The following CMTM4 variants were observed in gnomAD, a reference collection of about 807,000 sequenced individuals.
CMTM4 encodes CKLF-like MARVEL transmembrane domain-containing protein 4.
In CMTM4, 8 loss-of-function variants were observed where a neutral mutation model predicts 19.0. That is an observed-to-expected ratio of 0.42 (90% CI 0.25 to 0.76). CMTM4 has a LOEUF of 0.76. Among genes scored for constraint, CMTM4 ranks in the 30% least tolerant of loss-of-function variants. The pLI is 0.27. For synonymous variants in CMTM4, 106 were observed against 121.1 expected, an observed-to-expected ratio of 0.88 and a Z score of 0.82; for missense variants, 228 against 290.2, an observed-to-expected ratio of 0.79 and a Z score of 1.56.
intron 2 of CMTM4, among the ~76,000 whole-genome samples, chr16:66,626,158 G>A (rs1223290870): frequency 6.6e-6 from 1 of 152,238 alleles, no homozygotes; most frequent in Non-Finnish European, 1.5e-5. Flanking sequence ...AGGGAGGCCA[G>A]GCACAGCAGC....
rs1053925542 is a variant in CMTM4 at position 66,631,954 on chromosome 16, A to G, written c.363+4451T>C. On this transcript the variant is annotated intron_variant, in intron 2 of 3. Coordinates refer to ENST00000394106, the MANE Select transcript of CMTM4 (RefSeq NM_181521.3). ...AAAAAATAAAATAAAATAAAATAAAATAAAAAAACACAAGACGAGTCACGC... is the reference window on the plus strand; with the variant it reads ...AAAAAATAAAATAAAATAAAATAAAGTAAAAAAACACAAGACGAGTCACGC... Among the ~76,000 whole-genome samples, 92 of 152,284 alleles carry G rather than the reference A, an allele frequency of 6.0e-4. 1 individual carries two copies. Among genetic ancestry groups the G allele is most frequent in the Non-Finnish European group, 4.7e-4 (32 of 68,018 alleles).
At chr16:66,610,009 C>T (rs367909843), downstream of CMTM4, 21 of 1,614,008 alleles carry the variant, frequency 1.3e-5, no homozygotes, top group East Asian at 4.5e-5. The surrounding 1 kb of genome is among the most constrained non-coding windows in gnomAD (Gnocchi z 4.6). Flanking sequence ...AGAAGGTAAG[C>T]GGCTGCCCTG....
In CMTM4 at chr16:66,615,948, C is replaced by T. The variant is rs1222137493; in HGVS notation, c.*6110G>A. The T allele has an allele frequency of 6.6e-6, 1 of 152,190 alleles. No individual in the cohort carries two copies. Among genetic ancestry groups the T allele is most frequent in the Non-Finnish European group, 1.5e-5 (1 of 68,034 alleles). 9.4% of individuals were successfully genotyped at this position (152,190 alleles called of 1,614,324 possible). On this transcript the variant is annotated 3_prime_UTR_variant, in exon 4 of 4. Transcript: ENST00000394106. This position sits in a 1 kb window ranked among gnomAD's most constrained non-coding sequence, Gnocchi z 4.9. ...ATTATTTCACAGAAATATACTCTTA[C>T]TCTCAGACTATTTAAATAAGCAGGA...
At chr16:66,686,025 C>T (rs1206893395) in intron 1 of CMTM4, among the ~76,000 whole-genome samples, 1 of 151,468 alleles carries the variant, frequency 6.6e-6, no homozygotes, top group African/African-American at 2.4e-5. Flanking sequence ...GAGGCCAAGG[C>T]GGGTGGATCA....
chr16:66,662,817 G>A (rs1443721237), intron 1 of CMTM4, among the ~76,000 whole-genome samples: 1 of 151,952 alleles, frequency 6.6e-6, no homozygotes. Flanking sequence ...GCAGAAAGAG[G>A]AAGCAAACCC....
Position 66,696,556 on chromosome 16 carries a change from G to T in CMTM4, c.-31C>A, listed in dbSNP as rs1252963707. 4 of 1,157,398 alleles carry T rather than the reference G, an allele frequency of 3.5e-6. 1 individual carries two copies. The African/African-American group carries it at 4.9e-5, about 14-fold the overall frequency. The allele number at this position is 1,157,398 out of a possible 1,614,324, so 71.7% of individuals were successfully genotyped here. ...CGCCCGGCCCGGGCCGCCTCGCGCGGCTGGCTCCCGGCGCCAGGAGCGGGC... is the reference window on the plus strand; with the variant it reads ...CGCCCGGCCCGGGCCGCCTCGCGCGTCTGGCTCCCGGCGCCAGGAGCGGGC... On this transcript the variant is annotated 5_prime_UTR_variant, in exon 1 of 4. Coordinates refer to ENST00000394106, the MANE Select transcript of CMTM4 (RefSeq NM_181521.3). This position sits in a 1 kb window ranked among gnomAD's most constrained non-coding sequence, Gnocchi z 4.3.
At chr16:66,629,303 G>A (rs2015804104) in intron 2 of CMTM4, among the ~76,000 whole-genome samples, 1 of 152,142 alleles carries the variant, frequency 6.6e-6, no homozygotes, top group Admixed American at 6.6e-5. Flanking sequence ...CCCATCCTTT[G>A]CACTCACTTG....
Position 66,617,215 on chromosome 16 carries a change from T to C in CMTM4, c.*4843A>G, listed in dbSNP as rs1402492010. 18 of 1,528,716 alleles carry C rather than the reference T, an allele frequency of 1.2e-5. No homozygotes were observed. Among genetic ancestry groups the C allele is most frequent in the South Asian group, 4.7e-5 (4 of 84,236 alleles). 94.7% of individuals were successfully genotyped at this position (1,528,716 alleles called of 1,614,324 possible). On this transcript the variant is annotated 3_prime_UTR_variant, in exon 4 of 4. Transcript: ENST00000394106. Reference sequence around the variant, plus strand: ...AAGCCTCAGCATAAAAAAACAAACATAGACAACAAACTTACCCTATGAAAT... The same window carrying C: ...AAGCCTCAGCATAAAAAAACAAACACAGACAACAAACTTACCCTATGAAAT...
At chr16:66,629,053 C>A (rs2015799655) in intron 2 of CMTM4, among the ~76,000 whole-genome samples, 1 of 152,054 alleles carries the variant, frequency 6.6e-6, no homozygotes, top group African/African-American at 2.4e-5. Context: ...ACTTATTACT[C>A]ACACAACTTG....
intron 1 of CMTM4, among the ~76,000 whole-genome samples, chr16:66,657,848 A>T (rs1243118642): frequency 2.0e-5 from 3 of 152,232 alleles, no homozygotes; most frequent in African/African-American, 7.2e-5. Context: ...TACAAACTGT[A>T]TTTCAGGAAA....
rs559290242 is a variant in CMTM4, at chr16:66,618,371, T to C, written c.*3687A>G. On this transcript the variant is annotated 3_prime_UTR_variant, in exon 4 of 4. Transcript: ENST00000394106. Reference sequence around the variant, plus strand: ...TTTGTTTTGAACACAGATGAGACAATAGGAACCCTTAAATCATCACTGCCT... The same window carrying C: ...TTTGTTTTGAACACAGATGAGACAACAGGAACCCTTAAATCATCACTGCCT... The C allele has an allele frequency of 5.1e-6, 5 of 985,416 alleles. No individual in the cohort carries two copies. The highest frequency in any genetic ancestry group is 1.1e-4 in the East Asian group (1 of 8,812). 61.0% of individuals were successfully genotyped at this position (985,416 alleles called of 1,614,324 possible).
In CMTM4 at chr16:66,622,186, T is replaced by C. The variant is rs1225814017; in HGVS notation, c.499A>G (p.Asn167Asp). Reference sequence around the variant, plus strand: ...CATTTCTGCACTGCCAGGAATGTGTTCACTGCATATGCCGCAGTCGCCAAG... The same window carrying C: ...CATTTCTGCACTGCCAGGAATGTGTCCACTGCATATGCCGCAGTCGCCAAG... ...GFLATAAYAV[N>D]TFLAVQKWRV... The change falls in exon 4 of 4, where the codon AAC becomes GAC. Residue 167 changes from asparagine to aspartate, a missense_variant. Asn to Asp is a conservative substitution (Grantham distance 23). Around this residue, in one of 3 missense-constraint regions of CMTM4, gnomAD observed 200 missense variants for 226.6 expected, o/e 0.88. Coordinates refer to ENST00000394106, the MANE Select transcript of CMTM4 (RefSeq NM_181521.3). This position sits in a 1 kb window ranked among gnomAD's most constrained non-coding sequence, Gnocchi z 4.0. 1 of 1,614,026 alleles carries C rather than the reference T, an allele frequency of 6.2e-7. No individual in the cohort carries two copies. The highest frequency in any genetic ancestry group is 1.7e-5 in the Admixed American group (1 of 60,002).
chr16:66,620,735 TAA>T lies in CMTM4; in HGVS notation c.*1321_*1322del. On this transcript the variant is annotated 3_prime_UTR_variant, in exon 4 of 4. Coordinates refer to ENST00000394106, the MANE Select transcript of CMTM4 (RefSeq NM_181521.3). ...AGGGCTAAACACAAAATGTTAGAGC[TAA>T]AGTGAGGTTTGTAAACATTAAAAAC... The T allele has an allele frequency of 2.0e-6, 2 of 985,834 alleles. No individual in the cohort carries two copies. The highest frequency in any genetic ancestry group is 2.4e-6 in the Non-Finnish European group (2 of 829,932). The allele number at this position is 985,834 out of a possible 1,614,324, so 61.1% of individuals were successfully genotyped here.
chr16:66,611,443 C>T (rs974715132), downstream of CMTM4, among the ~76,000 whole-genome samples: 3 of 151,940 alleles, frequency 2.0e-5, no homozygotes, highest in African/African-American at 7.3e-5. Context: ...AGTGAGACTC[C>T]ATCTCGGGGG....
At chr16:66,673,729 G>GT (rs2016754887) in intron 1 of CMTM4, among the ~76,000 whole-genome samples, 1 of 152,230 alleles carries the variant, frequency 6.6e-6, no homozygotes, top group African/African-American at 2.4e-5. Context: ...TTAAAACACA[G>GT]TATTTTCCTC....
At chr16:66,630,947 G>C (rs1463865377) in intron 2 of CMTM4, among the ~76,000 whole-genome samples, 1 of 150,954 alleles carries the variant, frequency 6.6e-6, no homozygotes, top group South Asian at 2.1e-4. Flanking sequence ...CTGCCTGGCC[G>C]CGACCCCATC....
chr16:66,601,754 G>A, the CMTM4 span, among the ~76,000 whole-genome samples: 8 of 152,228 alleles, frequency 5.3e-5, no homozygotes, highest in Admixed American at 5.2e-4. Context: ...CCAGGCAGCA[G>A]GAGAAGGCAC....
At chr16:66,604,995 G>A in the CMTM4 span, 12 of 1,415,660 alleles carry the variant, frequency 8.5e-6, no homozygotes, top group South Asian at 1.2e-4. Context: ...AGGACTGCGC[G>A]GCTCCTTTCG....
At chr16:66,599,318 A>C in the CMTM4 span, among the ~76,000 whole-genome samples, 1 of 152,140 alleles carries the variant, frequency 6.6e-6, no homozygotes, top group African/African-American at 2.4e-5. Flanking sequence ...AACAGAAAGA[A>C]AAAATATAAG....
Sources: gnomAD v4.1 joint callset for allele counts (sites outside exome capture counted in the v4.1 genomes callset) on GRCh38, gnomAD v4.1.1 for gene constraint, gnomAD v4.1.1 regional missense constraint, Gnocchi (gnomAD v3.1) non-coding constraint, MANE v1.5 for transcripts, NCBI Gene and HGNC (gene_info 2026-07-23, HGNC 2026-07-21) for gene names.